Variants in SEPTIN7 observed in about 807,000 individuals in gnomAD.
SEPTIN7 encodes septin 7, also known as septin-7.
A neutral mutation model predicts 63.3 loss-of-function variants in SEPTIN7; 10 were observed. That is an observed-to-expected ratio of 0.16 (90% CI 0.10 to 0.27). The LOEUF (loss-of-function observed/expected upper bound fraction) is 0.27. Ranked by LOEUF, SEPTIN7 falls within the 10% of genes least tolerant of loss-of-function variation. The pLI, the probability that SEPTIN7 is intolerant of heterozygous loss-of-function variation, is 1.00. For missense variants in SEPTIN7, 310 were observed against 521.0 expected, an observed-to-expected ratio of 0.59 and a Z score of 3.94; for synonymous variants, 131 against 165.3, an observed-to-expected ratio of 0.79 and a Z score of 1.59.
At chr7:35,901,677 ACCTGGCTT>A (rs1314381571) in intron 12 of SEPTIN7, 1 of 152,144 alleles carries the variant, frequency 6.6e-6, no homozygotes, top group Non-Finnish European at 1.5e-5. Context: ...TAAGCCTACT[ACCTGGCTT>A]AAAAAAATAG....
chr7:35,906,845 A>G lies in SEPTIN7; in HGVS notation c.*2552A>G, dbSNP rs1049746211. Reference sequence around the variant, plus strand: ...GTCCTCTTGGAGAAACTAGGAGTAGAAGTCAGGATATGGTAGGTAAGGGGG... The same window carrying G: ...GTCCTCTTGGAGAAACTAGGAGTAGGAGTCAGGATATGGTAGGTAAGGGGG... On this transcript the variant is annotated 3_prime_UTR_variant, in exon 14 of 14. Transcript: ENST00000350320. The G allele has an allele frequency of 5.3e-5, 8 of 152,170 alleles. No individual in the cohort carries two copies. The highest frequency in any genetic ancestry group is 1.9e-4 in the East Asian group (1 of 5,188). The allele number at this position is 152,170 out of a possible 1,614,324, so 9.4% of individuals were successfully genotyped here. A position where few individuals can be genotyped will look rare whatever the true frequency, so the allele number is the denominator to read the frequency against.
At chr7:35,879,001 TA>T (rs1786659896) in intron 6 of SEPTIN7, among the ~76,000 whole-genome samples, 1 of 152,192 alleles carries the variant, frequency 6.6e-6, no homozygotes, top group Non-Finnish European at 1.5e-5. Flanking sequence ...TAGGGAATTC[TA>T]AAGAATGTAC....
At chr7:35,868,521 T>A (rs1210089295) in intron 4 of SEPTIN7, among the ~76,000 whole-genome samples, 1 of 151,882 alleles carries the variant, frequency 6.6e-6, no homozygotes, top group African/African-American at 2.4e-5. Context: ...AGAGGTGACC[T>A]TGGCAAGGTA....
chr7:35,915,749 CAT>C, the SEPTIN7 span, among the ~76,000 whole-genome samples: 1 of 152,178 alleles, frequency 6.6e-6, no homozygotes, highest in Non-Finnish European at 1.5e-5. Context: ...CTTCCACTGA[CAT>C]AGAAAGATGA....
chr7:35,831,915 T>C (rs1562531877), intron 2 of SEPTIN7: 2 of 305,768 alleles, frequency 6.5e-6, no homozygotes, highest in East Asian at 2.0e-4. Flanking sequence ...TTTAAGAGAA[T>C]GTGTGCCTCT....
At position 35,899,649 on chromosome 7, in the gene SEPTIN7, AAAG is replaced by A. The variant is rs891177570; in HGVS notation, c.1134+1273_1134+1275del. On this transcript the variant is annotated intron_variant, in intron 12 of 13. Transcript: ENST00000350320. ...TGTAATCCCAGCAGTTTGGGAGGCC[AAAG>A]AAGAAGGATTGCTTGAGTCCAGGAG... 18 of 152,302 alleles carry A rather than the reference AAAG, an allele frequency of 1.2e-4. 1 individual carries two copies. The highest frequency in any genetic ancestry group is 3.3e-4 in the Admixed American group (5 of 15,276). The allele number at this position is 152,302 out of a possible 1,614,324, so 9.4% of individuals were successfully genotyped here.
chr7:35,809,036 A>C (rs780577046), intron 1 of SEPTIN7, among the ~76,000 whole-genome samples: 1 of 152,230 alleles, frequency 6.6e-6, no homozygotes, highest in Non-Finnish European at 1.5e-5. Flanking sequence ...TAATGTATTG[A>C]TGTTATAGTA....
chr7:35,873,030 T>C (rs1348438393), intron 5 of SEPTIN7, among the ~76,000 whole-genome samples: 2 of 152,124 alleles, frequency 1.3e-5, no homozygotes, highest in African/African-American at 4.8e-5. Flanking sequence ...CATAGGTAAA[T>C]AGAAGAATTC....
intron 1 of SEPTIN7, among the ~76,000 whole-genome samples, chr7:35,821,135 T>C (rs923384600): frequency 3.9e-5 from 6 of 152,214 alleles, no homozygotes; most frequent in African/African-American, 1.4e-4. Context: ...TCAAGGCTAC[T>C]GTAGAGGTAG....
intron 12 of SEPTIN7, chr7:35,901,065 T>C (rs949265719): frequency 1.3e-5 from 2 of 152,200 alleles, no homozygotes; most frequent in African/African-American, 4.8e-5. Flanking sequence ...CTTTTAGCCT[T>C]GTTTAATACA....
At chr7:35,853,872 T>C (rs1485912926) in intron 3 of SEPTIN7, among the ~76,000 whole-genome samples, 1 of 152,172 alleles carries the variant, frequency 6.6e-6, no homozygotes, top group African/African-American at 2.4e-5. Context: ...CAGTAGAACA[T>C]ACTGCCTGGT....
At chr7:35,852,241 A>G (rs1784999631) in intron 3 of SEPTIN7, among the ~76,000 whole-genome samples, 3 of 152,222 alleles carry the variant, frequency 2.0e-5, no homozygotes, top group Non-Finnish European at 1.5e-5. Context: ...AGGTGAGGGC[A>G]CTGACACACA....
chr7:35,910,193 A>T (rs1397347130), downstream of SEPTIN7, among the ~76,000 whole-genome samples: 1 of 152,188 alleles, frequency 6.6e-6, no homozygotes, highest in Non-Finnish European at 1.5e-5. Context: ...CACACACATG[A>T]TTTCCCAATA....
intron 6 of SEPTIN7, among the ~76,000 whole-genome samples, chr7:35,876,366 G>A (rs1786471695): frequency 6.6e-6 from 1 of 152,094 alleles, no homozygotes; most frequent in Non-Finnish European, 1.5e-5. Flanking sequence ...TTGATAAGCA[G>A]GCTTATATCT....
At chr7:35,851,069 A>T (rs1261946791) in intron 3 of SEPTIN7, among the ~76,000 whole-genome samples, 1 of 152,116 alleles carries the variant, frequency 6.6e-6, no homozygotes, top group East Asian at 1.9e-4. Flanking sequence ...TTTCTTCAAA[A>T]CCTTATAAAC....
intron 1 of SEPTIN7, among the ~76,000 whole-genome samples, chr7:35,830,962 T>A (rs1783805188): frequency 6.6e-6 from 1 of 152,126 alleles, no homozygotes; most frequent in Admixed American, 6.5e-5. Flanking sequence ...CAGCATTGTA[T>A]AAAAAGGTTT....
chr7:35,806,207 G>C (rs570202411), intron 1 of SEPTIN7, among the ~76,000 whole-genome samples: 1 of 152,172 alleles, frequency 6.6e-6, no homozygotes, highest in Non-Finnish European at 1.5e-5. Flanking sequence ...TTCCTTAACT[G>C]TCTTACTTTT....
intron 11 of SEPTIN7, among the ~76,000 whole-genome samples, chr7:35,891,317 T>C (rs529012531): frequency 6.6e-6 from 1 of 152,332 alleles, no homozygotes; most frequent in East Asian, 1.9e-4. Context: ...ACAGTGGGGA[T>C]ACATTTCTGA....
chr7:35,803,187 G>T, intron 1 of SEPTIN7: 1 of 929,266 alleles, frequency 1.1e-6, no homozygotes, highest in Non-Finnish European at 1.3e-6. Flanking sequence ...GATATTTGAT[G>T]CATACATAAT....
Sources: allele counts gnomAD v4.1 joint callset (sites outside exome capture counted in the v4.1 genomes callset), GRCh38; gene constraint gnomAD v4.1.1; transcripts MANE v1.5; gene names NCBI Gene and HGNC (gene_info 2026-07-23, HGNC 2026-07-21).